The following MANBA variants were observed in gnomAD, a reference collection of about 807,000 sequenced individuals.
MANBA encodes the protein beta-mannosidase.
Under a neutral mutation model 111.1 loss-of-function variants are expected in MANBA, and 83 were observed. The ratio of observed to expected loss-of-function variants is 0.75; its 90% CI spans 0.63 to 0.90. The LOEUF is 0.90. Ranked by LOEUF, MANBA falls within the 40% of genes least tolerant of loss-of-function variation. The probability of loss-of-function intolerance (pLI) is 0.00; values close to 1 mark genes in which losing one functional copy is unlikely to be tolerated. For synonymous variants in MANBA, 370 were observed against 378.7 expected, an observed-to-expected ratio of 0.98 and a Z score of 0.27; for missense variants, 1,036 against 1,069.0, an observed-to-expected ratio of 0.97 and a Z score of 0.43.
intron 1 of MANBA, among the ~76,000 whole-genome samples, chr4:102,732,930 A>G (rs1190932909): frequency 2.0e-5 from 3 of 152,156 alleles, no homozygotes; most frequent in Non-Finnish European, 2.9e-5. Context: ...TCAACACACT[A>G]AGCCCGGGGG....
intron 1 of MANBA, among the ~76,000 whole-genome samples, chr4:102,757,346 C>T (rs1328107971): frequency 1.3e-5 from 2 of 151,746 alleles, no homozygotes; most frequent in African/African-American, 4.8e-5. Context: ...AAAAAAATAG[C>T]AGGCTGAAGG....
chr4:102,742,919 C>T (rs370003099), intron 1 of MANBA, among the ~76,000 whole-genome samples: 469 of 1,500 alleles, frequency 0.31, 4 homozygotes, highest in African/African-American at 0.46. Flanking sequence ...AAATTGGACA[C>T]TCAGCAGTGC....
At position 102,734,171 on chromosome 4, in the gene MANBA, T is replaced by G. The variant is rs1723125891; in HGVS notation, c.178-7488A>C. Among the ~76,000 whole-genome samples the G allele has an allele frequency of 3.3e-5, 5 of 152,228 alleles. No homozygotes were observed. In the South Asian group the frequency reaches 1.0e-3, roughly 31 times the overall value. ...ACAAATGTACCACTCTGGTGGGGAA[T>G]GTTGAAGAATGGGATGCTGTGCATG... On this transcript the variant is annotated intron_variant, in intron 1 of 16. Coordinates refer to ENST00000647097, the MANE Select transcript of MANBA (RefSeq NM_005908.4).
At chr4:102,668,803 A>G in intron 10 of MANBA, 160 bp downstream of exon 10, 1 of 651,952 alleles carries the variant, frequency 1.5e-6, no homozygotes. Flanking sequence ...TGGTAAAGCC[A>G]TGACACTGGG....
At chr4:102,739,142 A>C (rs907886051) in intron 1 of MANBA, among the ~76,000 whole-genome samples, 2 of 152,242 alleles carry the variant, frequency 1.3e-5, no homozygotes, top group African/African-American at 4.8e-5. Flanking sequence ...TACCACAGAA[A>C]TACAAAAGAT....
intron 5 of MANBA, among the ~76,000 whole-genome samples, chr4:102,697,422 T>C (rs1050069945): frequency 2.1e-4 from 32 of 151,994 alleles, no homozygotes; most frequent in African/African-American, 7.0e-4. Flanking sequence ...TAGTTACATA[T>C]GTATACATGT....
intron 4 of MANBA, among the ~76,000 whole-genome samples, chr4:102,722,046 AAAAAG>A (rs1251749608): frequency 4.6e-5 from 7 of 151,318 alleles, no homozygotes; most frequent in Non-Finnish European, 4.4e-5. Context: ...AAAAAAAAAA[AAAAAG>A]AGAAAGAAAA....
At chr4:102,749,482 T>C (rs1022927565) in intron 1 of MANBA, among the ~76,000 whole-genome samples, 12 of 152,234 alleles carry the variant, frequency 7.9e-5, no homozygotes. Flanking sequence ...TAGTGGCATA[T>C]TTTGAACAAA....
intron 1 of MANBA, among the ~76,000 whole-genome samples, chr4:102,737,575 C>T (rs897782721): frequency 3.3e-5 from 5 of 152,182 alleles, no homozygotes; most frequent in South Asian, 4.1e-4. Context: ...CTCCGCCTCC[C>T]GGGTTCACAC....
chr4:102,678,320 G>A (rs777752155), intron 7 of MANBA, among the ~76,000 whole-genome samples: 4 of 152,048 alleles, frequency 2.6e-5, no homozygotes, highest in Admixed American at 6.6e-5. Flanking sequence ...CAAGTGAAAG[G>A]CTCCCGCTTC....
chr4:102,675,972 A>G (rs1384161294), intron 7 of MANBA, among the ~76,000 whole-genome samples: 2 of 149,688 alleles, frequency 1.3e-5, no homozygotes, highest in South Asian at 2.1e-4. Flanking sequence ...CTCCGTCTTG[A>G]AAAAAAAAAG....
At chr4:102,708,294 A>G (rs1387342834) in intron 5 of MANBA, among the ~76,000 whole-genome samples, 5 of 152,188 alleles carry the variant, frequency 3.3e-5, no homozygotes, top group African/African-American at 1.2e-4. Context: ...TTAAAATCAT[A>G]TCAAGTATCT....
intron 12 of MANBA, among the ~76,000 whole-genome samples, chr4:102,651,398 A>T (rs1578870317): frequency 6.6e-6 from 1 of 152,096 alleles, no homozygotes; most frequent in Non-Finnish European, 1.5e-5. Context: ...AGCTCAAATT[A>T]AAAAACAAAG....
chr4:102,664,352 C>CT (rs35167854), intron 11 of MANBA, among the ~76,000 whole-genome samples: 69,570 of 146,052 alleles, frequency 0.48, 16,814 homozygotes, highest in South Asian at 0.55. Flanking sequence ...AACATACATT[C>CT]TTTTTTTTTT....
At chr4:102,673,423 G>T (rs536117119) in intron 8 of MANBA, among the ~76,000 whole-genome samples, 1 of 151,600 alleles carries the variant, frequency 6.6e-6, no homozygotes, top group Non-Finnish European at 1.5e-5. Context: ...CAGGAGAATC[G>T]CTTGAGCCTG....
chr4:102,644,928 G>GAA (rs1212359294), intron 13 of MANBA, among the ~76,000 whole-genome samples: 2 of 151,578 alleles, frequency 1.3e-5, no homozygotes, highest in African/African-American at 4.8e-5. Context: ...TTTAAAAAAA[G>GAA]AAAATCAGTT....
chr4:102,721,128 A>G (rs1044928671), intron 4 of MANBA, among the ~76,000 whole-genome samples: 1 of 152,206 alleles, frequency 6.6e-6, no homozygotes, highest in African/African-American at 2.4e-5. Context: ...GTTCAAGAGC[A>G]GCCTGGCCAA....
At chr4:102,751,523 A>G (rs566282782) in intron 1 of MANBA, 1 of 531,798 alleles carries the variant, frequency 1.9e-6, no homozygotes, top group South Asian at 1.4e-5. Context: ...ATAAATTACT[A>G]AAGGACAAAA....
chr4:102,693,194 C>T (rs1169914878), intron 5 of MANBA, among the ~76,000 whole-genome samples: 1 of 152,162 alleles, frequency 6.6e-6, no homozygotes, highest in Non-Finnish European at 1.5e-5. Context: ...GGTAGATCAC[C>T]TAGTCTGCTC....
Sources: gnomAD v4.1 joint callset for allele counts (sites outside exome capture counted in the v4.1 genomes callset) on GRCh38, gnomAD v4.1.1 for gene constraint, MANE v1.5 for transcripts, NCBI Gene and HGNC (gene_info 2026-07-23, HGNC 2026-07-21) for gene names.